ADCY1: variants seen among roughly 807,000 people sequenced by gnomAD.
ADCY1 encodes the protein adenylate cyclase 1, also known as adenylate cyclase type 1.
In ADCY1, 28 loss-of-function variants were observed where a neutral mutation model predicts 105.4. The ratio of observed to expected loss-of-function variants is 0.27; its 90% CI spans 0.20 to 0.36. The LOEUF (loss-of-function observed/expected upper bound fraction) is 0.36, where lower values mean the gene tolerates loss of function less well. Among genes scored for constraint, ADCY1 ranks in the 10% least tolerant of loss-of-function variants. ADCY1 has a pLI of 1.00. For missense variants in ADCY1, 977 were observed against 1,434.2 expected (o/e 0.68, Z 5.15); for synonymous variants, 655 against 623.8 (o/e 1.05, Z -0.75).
intron 8 of ADCY1, among the ~76,000 whole-genome samples, chr7:45,668,988 A>G (rs1236530276): frequency 6.6e-6 from 1 of 152,092 alleles, no homozygotes; most frequent in Non-Finnish European, 1.5e-5. Flanking sequence ...CCTCTTTATC[A>G]TTTTATATTG....
intron 3 of ADCY1, among the ~76,000 whole-genome samples, chr7:45,618,566 G>A (rs1793805880): frequency 6.6e-6 from 1 of 152,138 alleles, no homozygotes; most frequent in Admixed American, 6.5e-5. Context: ...CATCTGAATA[G>A]GCATTTCTCA....
intron 2 of ADCY1, among the ~76,000 whole-genome samples, chr7:45,609,230 C>T (rs552919047): frequency 1.3e-5 from 2 of 152,326 alleles, no homozygotes; most frequent in South Asian, 4.1e-4. Flanking sequence ...CACCTGTGCT[C>T]CTTCCGAGAA....
intron 8 of ADCY1, among the ~76,000 whole-genome samples, chr7:45,677,469 C>T (rs548147319): frequency 6.6e-6 from 1 of 152,298 alleles, no homozygotes; most frequent in East Asian, 1.9e-4. Flanking sequence ...CTCCGTTTGC[C>T]ACCGTTTCTC....
intron 8 of ADCY1, among the ~76,000 whole-genome samples, chr7:45,663,505 G>A (rs987009571): frequency 3.9e-5 from 6 of 152,184 alleles, no homozygotes; most frequent in Non-Finnish European, 7.3e-5. Context: ...GGGCCCAGTC[G>A]CAGCCAGGCG....
At chr7:45,685,163 G>A in intron 12 of ADCY1, 95 bp downstream of exon 12, 2 of 1,199,058 alleles carry the variant, frequency 1.7e-6, no homozygotes, top group Non-Finnish European at 2.5e-6. Context: ...GCAGAGACAG[G>A]GAGGTCATCA....
At chr7:45,604,137 C>A (rs1793316177) in intron 2 of ADCY1, among the ~76,000 whole-genome samples, 1 of 152,138 alleles carries the variant, frequency 6.6e-6, no homozygotes, top group African/African-American at 2.4e-5. Context: ...GTGAAACTTT[C>A]CCAGAATGGT....
At chr7:45,643,036 CCGT>C (rs1562703194) in intron 4 of ADCY1, among the ~76,000 whole-genome samples, 1 of 151,430 alleles carries the variant, frequency 6.6e-6, no homozygotes, top group East Asian at 1.9e-4. Context: ...TGATCGATTG[CCGT>C]CTTTTTTATT....
At chr7:45,701,632 G>A (rs1038272685) in intron 14 of ADCY1, among the ~76,000 whole-genome samples, 1 of 152,108 alleles carries the variant, frequency 6.6e-6, no homozygotes, top group Non-Finnish European at 1.5e-5. Flanking sequence ...GTATATTGGA[G>A]CCTGATGTGT....
chr7:45,713,136 C>T (rs1330880817), intron 19 of ADCY1, among the ~76,000 whole-genome samples: 1 of 152,200 alleles, frequency 6.6e-6, no homozygotes, highest in East Asian at 1.9e-4. Context: ...CCTTCTGCCC[C>T]CTACATTCTG....
At chr7:45,609,228 C>A (rs1055369781) in intron 2 of ADCY1, among the ~76,000 whole-genome samples, 1 of 152,314 alleles carries the variant, frequency 6.6e-6, no homozygotes, top group Non-Finnish European at 1.5e-5. Flanking sequence ...GGCACCTGTG[C>A]TCCTTCCGAG....
At chr7:45,580,391 C>T (rs1434931682) in intron 1 of ADCY1, among the ~76,000 whole-genome samples, 1 of 152,176 alleles carries the variant, frequency 6.6e-6, no homozygotes, top group Non-Finnish European at 1.5e-5. Flanking sequence ...TCTGCAGCTG[C>T]CGGGGCCTCC....
chr7:45,652,223 C>G (rs1044150313), intron 5 of ADCY1, among the ~76,000 whole-genome samples: 16 of 152,222 alleles, frequency 1.1e-4, no homozygotes, highest in African/African-American at 3.9e-4. Context: ...TTACCTCCCA[C>G]CAGGTCCCAA....
intron 5 of ADCY1, among the ~76,000 whole-genome samples, chr7:45,656,248 AG>A (rs1325947258): frequency 6.6e-6 from 1 of 151,946 alleles, no homozygotes; most frequent in Non-Finnish European, 1.5e-5. Context: ...GCTTGCAGTG[AG>A]GGGAGATAGC....
intron 10 of ADCY1, 112 bp downstream of exon 10, chr7:45,678,375 C>T (rs552432947): frequency 4.9e-5 from 49 of 1,004,612 alleles, no homozygotes; most frequent in East Asian, 2.9e-4. Flanking sequence ...GCTCAAGCTT[C>T]GTCTCCCACA....
At chr7:45,592,659 G>C in intron 1 of ADCY1, 100 bp from the exon 2 acceptor site, 1 of 1,537,606 alleles carries the variant, frequency 6.5e-7, no homozygotes, top group Non-Finnish European at 8.8e-7. Context: ...CGGGCGGCGT[G>C]GCTTTTGGAG....
At chr7:45,638,142 C>CA (rs1222950982) in intron 4 of ADCY1, among the ~76,000 whole-genome samples, 6 of 151,010 alleles carry the variant, frequency 4.0e-5, no homozygotes, top group South Asian at 2.1e-4. Context: ...AAACAAAAAA[C>CA]AAAAAAAAAC....
chr7:45,627,204 A>G (rs1327657971), intron 4 of ADCY1, among the ~76,000 whole-genome samples: 1 of 152,150 alleles, frequency 6.6e-6, no homozygotes, highest in African/African-American at 2.4e-5. Flanking sequence ...TGGTAAAACA[A>G]CATCCCCAGA....
At chr7:45,607,678 C>T in intron 2 of ADCY1, among the ~76,000 whole-genome samples, 1 of 152,186 alleles carries the variant, frequency 6.6e-6, no homozygotes, top group East Asian at 1.9e-4. Context: ...GTTTAGCTTC[C>T]ACTCGTAAGT....
chr7:45,583,612 C>T (rs1792627374), intron 1 of ADCY1, among the ~76,000 whole-genome samples: 1 of 152,128 alleles, frequency 6.6e-6, no homozygotes, highest in Non-Finnish European at 1.5e-5. Flanking sequence ...GGCCTGGCTT[C>T]CTGGTGCTTG....
Sources: gnomAD v4.1 joint callset for allele counts (sites outside exome capture counted in the v4.1 genomes callset) on GRCh38, gnomAD v4.1.1 for gene constraint, MANE v1.5 for transcripts, NCBI Gene and HGNC (gene_info 2026-07-23, HGNC 2026-07-21) for gene names.